The following ARHGEF12 variants were observed in gnomAD, a reference collection of about 807,000 sequenced individuals.
The protein encoded by ARHGEF12 is KMT2A/ARHGEF12 fusion protein.
A neutral mutation model predicts 211.2 loss-of-function variants in ARHGEF12; 66 were observed. The ratio of observed to expected loss-of-function variants is 0.31; its 90% CI spans 0.26 to 0.38. ARHGEF12 has a LOEUF of 0.38. ARHGEF12 is among the 10% of genes least tolerant of loss of function. The probability of loss-of-function intolerance (pLI) is 1.00; values close to 1 mark genes in which losing one functional copy is unlikely to be tolerated. For missense variants in ARHGEF12, 1,429 were observed against 1,869.5 expected (o/e 0.76, Z 4.34); for synonymous variants, 592 against 638.4 (o/e 0.93, Z 1.09).
intron 23 of ARHGEF12, 75 bp from the exon 24 acceptor site, chr11:120,457,646 C>G (rs756198621): frequency 2.5e-5 from 28 of 1,130,046 alleles, no homozygotes; most frequent in Non-Finnish European, 3.5e-5. Context: ...TTTAACCTAG[C>G]TTTGAGTATC....
At chr11:120,353,398 T>G (rs969850987) in intron 1 of ARHGEF12, among the ~76,000 whole-genome samples, 28 of 152,160 alleles carry the variant, frequency 1.8e-4, no homozygotes. Context: ...GAGAACAATC[T>G]CAGAAACTTC....
At chr11:120,370,513 A>AT (rs879871876) in intron 1 of ARHGEF12, among the ~76,000 whole-genome samples, 30 of 151,052 alleles carry the variant, frequency 2.0e-4, no homozygotes, top group Admixed American at 4.0e-4. Flanking sequence ...TAAAAGTTTT[A>AT]TTTTTTTTTA....
chr11:120,337,637 TTATC>T, intron 1 of ARHGEF12: 12 of 985,386 alleles, frequency 1.2e-5, no homozygotes, highest in Non-Finnish European at 1.4e-5. Context: ...GGTGTATTAT[TTATC>T]AGCTTTAGCC....
chr11:120,340,270 C>T (rs548408272), intron 1 of ARHGEF12, among the ~76,000 whole-genome samples: 2 of 152,266 alleles, frequency 1.3e-5, no homozygotes, highest in African/African-American at 4.8e-5. Context: ...AGAGAATGCC[C>T]TTTTAGTAGA....
chr11:120,394,308 G>T (rs1367817975), intron 1 of ARHGEF12, among the ~76,000 whole-genome samples: 2 of 151,428 alleles, frequency 1.3e-5, no homozygotes, highest in Non-Finnish European at 2.9e-5. Flanking sequence ...AACCTCCTGG[G>T]CTCAGGCTGT....
At chr11:120,370,849 C>T (rs1018288028) in intron 1 of ARHGEF12, among the ~76,000 whole-genome samples, 2 of 151,434 alleles carry the variant, frequency 1.3e-5, no homozygotes, top group African/African-American at 4.9e-5. Context: ...TTTCTCTCTC[C>T]TTCCCTCCCT....
At chr11:120,356,780 A>G (rs557031318) in intron 1 of ARHGEF12, among the ~76,000 whole-genome samples, 1 of 152,090 alleles carries the variant, frequency 6.6e-6, no homozygotes, top group Non-Finnish European at 1.5e-5. Context: ...CACCCTTTAT[A>G]TACCTATCTA....
At chr11:120,460,637 G>A (rs972254326) in intron 26 of ARHGEF12, 35 bp from the exon 27 acceptor site, 1 of 1,567,502 alleles carries the variant, frequency 6.4e-7, no homozygotes, top group Non-Finnish European at 8.8e-7. Context: ...TACACTGAAT[G>A]TGTTACTAAC....
intron 1 of ARHGEF12, among the ~76,000 whole-genome samples, chr11:120,393,198 T>C (rs1240126558): frequency 1.3e-5 from 2 of 152,158 alleles, no homozygotes; most frequent in Non-Finnish European, 2.9e-5. Flanking sequence ...TAATTTAAAA[T>C]CTAGTGAGAG....
chr11:120,341,837 G>A (rs1326760784), intron 1 of ARHGEF12, among the ~76,000 whole-genome samples: 1 of 152,106 alleles, frequency 6.6e-6, no homozygotes, highest in African/African-American at 2.4e-5. Context: ...ATAATTACAG[G>A]TTTTCAAAAT....
At chr11:120,459,650 A>C (rs1946465898) in intron 26 of ARHGEF12, among the ~76,000 whole-genome samples, 1 of 152,060 alleles carries the variant, frequency 6.6e-6, no homozygotes, top group Non-Finnish European at 1.5e-5. Flanking sequence ...TATACGTATA[A>C]ATGTGTTTTG....
rs1408178876 is a variant in ARHGEF12 at position 120,489,163 on chromosome 11, A to C, written c.*4086A>C. ...TGTCAGACATCTTCCTGCTTATTAG[A>C]GCATCCCTAGCAACAAGGCTAAACC... On this transcript the variant is annotated 3_prime_UTR_variant, in exon 41 of 41. Coordinates refer to ENST00000397843, the MANE Select transcript of ARHGEF12 (RefSeq NM_015313.3). The C allele has an allele frequency of 4.4e-6, 1 of 227,152 alleles. No individual in the cohort carries two copies. The highest frequency in any genetic ancestry group is 8.8e-6 in the Non-Finnish European group (1 of 114,160). The allele number at this position is 227,152 out of a possible 1,614,324, so 14.1% of individuals were successfully genotyped here.
intron 1 of ARHGEF12, among the ~76,000 whole-genome samples, chr11:120,373,828 A>G (rs1161812459): frequency 6.6e-6 from 1 of 152,094 alleles, no homozygotes; most frequent in Admixed American, 6.6e-5. Flanking sequence ...TGTTTTTGAG[A>G]CGGAGTTTCG....
intron 26 of ARHGEF12, among the ~76,000 whole-genome samples, chr11:120,459,914 G>A (rs897360368): frequency 2.6e-5 from 4 of 152,140 alleles, no homozygotes; most frequent in Non-Finnish European, 5.9e-5. Context: ...CACCATGTTG[G>A]CCAGGCTGGT....
At chr11:120,447,739 C>A in intron 18 of ARHGEF12, 135 bp from the exon 19 acceptor site, 1 of 575,722 alleles carries the variant, frequency 1.7e-6, no homozygotes, top group Admixed American at 3.7e-5. Context: ...TCACTTGCGC[C>A]CAGGAGGCGG....
intron 27 of ARHGEF12, chr11:120,464,065 G>A (rs1359346698): frequency 1.3e-5 from 2 of 152,158 alleles, no homozygotes; most frequent in Non-Finnish European, 2.9e-5. Context: ...ATAATTTTTA[G>A]CAAAAGAATT....
intron 1 of ARHGEF12, among the ~76,000 whole-genome samples, chr11:120,403,875 A>G (rs964853547): frequency 2.6e-5 from 4 of 152,206 alleles, no homozygotes; most frequent in Non-Finnish European, 5.9e-5. Flanking sequence ...GTTCACCAGA[A>G]TGTATTTCAT....
At chr11:120,388,517 A>G (rs1285812120) in intron 1 of ARHGEF12, among the ~76,000 whole-genome samples, 4 of 152,208 alleles carry the variant, frequency 2.6e-5, no homozygotes, top group Non-Finnish European at 5.9e-5. Context: ...TGGTAGGTAT[A>G]TATTTTAACT....
chr11:120,480,567 C>A, intron 38 of ARHGEF12, 137 bp downstream of exon 38: 1 of 872,530 alleles, frequency 1.1e-6, no homozygotes, highest in Non-Finnish European at 1.7e-6. Context: ...TTTATTCCTT[C>A]ATTTGATAAA....
Sources: allele counts gnomAD v4.1 joint callset (sites outside exome capture counted in the v4.1 genomes callset), GRCh38; gene constraint gnomAD v4.1.1; transcripts MANE v1.5; gene names NCBI Gene and HGNC (gene_info 2026-07-23, HGNC 2026-07-21).